Variants in LAMA3 observed in about 807,000 individuals in gnomAD.
The protein encoded by LAMA3 is laminin subunit alpha-3.
In LAMA3, 281 loss-of-function variants were observed where a neutral mutation model predicts 402.0. The observed-to-expected ratio is 0.70, with a 90% CI of 0.63 to 0.77. The LOEUF (loss-of-function observed/expected upper bound fraction) is 0.77, where lower values mean the gene tolerates loss of function less well. LAMA3 is among the 30% of genes least tolerant of loss of function. The pLI, the probability that LAMA3 is intolerant of heterozygous loss-of-function variation, is 0.00. For synonymous variants in LAMA3, 1,431 were observed against 1,558.4 expected, an observed-to-expected ratio of 0.92 and a Z score of 1.93; for missense variants, 3,840 against 4,215.5, an observed-to-expected ratio of 0.91 and a Z score of 2.47.
intron 2 of LAMA3, among the ~76,000 whole-genome samples, chr18:23,737,637 G>A (rs1210121168): frequency 1.3e-5 from 2 of 152,220 alleles, no homozygotes; most frequent in Non-Finnish European, 2.9e-5. Context: ...CGCCAAGTAA[G>A]TGGAATCCTT....
In LAMA3 at chr18:23,814,476, A is replaced by T. The variant is rs1403753840; in HGVS notation, c.1862A>T (p.Asp621Val). ...TGCAAACTGTTATATTGGAATCTGG[A>T]CAAAGAAAACCCCAGTGGATGTTCA... The part of the protein sequence containing the change: ...SRCKLLYWNL[D>V]KENPSGCSEC... Residue 621 changes from aspartate to valine, a missense_variant, in exon 15 of 75, where the codon GAC becomes GTC. Physicochemically the swap from Asp to Val is radical, Grantham distance 152. Around this residue, in one of 3 missense-constraint regions of LAMA3, gnomAD observed 2,109 missense variants for 2,376.0 expected, o/e 0.89. Coordinates refer to ENST00000313654, the MANE Select transcript of LAMA3 (RefSeq NM_198129.4). The T allele has an allele frequency of 1.2e-6, 2 of 1,613,326 alleles. No individual in the cohort carries two copies. Among genetic ancestry groups the T allele is most frequent in the Admixed American group, 3.3e-5 (2 of 60,030 alleles).
rs767242983 is a variant in LAMA3, at chr18:23,954,667, C to A, written c.*19C>A. 6.1e-5 allele frequency: 99 copies of A among 1,613,504 alleles called. No individual in the cohort carries two copies. Among genetic ancestry groups the A allele is most frequent in the Non-Finnish European group, 5.9e-6 (7 of 1,179,602 alleles). On this transcript the variant is annotated 3_prime_UTR_variant, in exon 75 of 75. Transcript: ENST00000313654. ...CCAGTAACCCAAGCCTATTTCACAG[C>A]AAGGAAATTCACCTTCAAAAGCACT...
rs779474408 is a variant in LAMA3, at chr18:23,954,566, A to G, written c.9920A>G (p.His3307Arg). ...TTCTTTGGCTGTCTGAGGAATATTC[A>G]TGTCAATCACATCCCTGTCCCTGTC... Reference protein sequence around the residue: ...KSFFGCLRNIHVNHIPVPVTE... With the variant: ...KSFFGCLRNIRVNHIPVPVTE... Residue 3307 changes from histidine to arginine, a missense_variant, in exon 75 of 75, where the codon CAT becomes CGT. Coordinates refer to ENST00000313654, the MANE Select transcript of LAMA3 (RefSeq NM_198129.4). 5 of 1,613,836 alleles carry G rather than the reference A, an allele frequency of 3.1e-6. No individual in the cohort carries two copies. The highest frequency in any genetic ancestry group is 4.2e-6 in the Non-Finnish European group (5 of 1,179,768).
chr18:23,841,437 A>T (rs2063699564), intron 27 of LAMA3, among the ~76,000 whole-genome samples: 1 of 152,036 alleles, frequency 6.6e-6, no homozygotes, highest in Non-Finnish European at 1.5e-5. Flanking sequence ...GTGGGAGTGG[A>T]GGGAGGGCCA....
intron 23 of LAMA3, among the ~76,000 whole-genome samples, chr18:23,829,429 G>T (rs186208381): frequency 5.6e-4 from 85 of 152,224 alleles, no homozygotes; most frequent in African/African-American, 1.8e-3. Flanking sequence ...ATCTGTTTCA[G>T]CCTGCTAATT....
intron 70 of LAMA3, among the ~76,000 whole-genome samples, chr18:23,948,660 C>T (rs905267348): frequency 1.3e-5 from 2 of 151,870 alleles, no homozygotes; most frequent in Admixed American, 6.5e-5. Context: ...ACCTCCGCCT[C>T]CTGAGTTCAA....
chr18:23,903,212 T>A, intron 49 of LAMA3, 87 bp downstream of exon 49: 1 of 848,178 alleles, frequency 1.2e-6, no homozygotes, highest in Non-Finnish European at 2.0e-6. Flanking sequence ...ACCTACTTTT[T>A]TGTTTATTCA....
At chr18:23,777,958 T>C (rs1381963465) in intron 11 of LAMA3, among the ~76,000 whole-genome samples, 3 of 152,250 alleles carry the variant, frequency 2.0e-5, no homozygotes, top group Admixed American at 6.5e-5. Context: ...AGTCATTTAT[T>C]TGGGAGGTGA....
intron 68 of LAMA3, among the ~76,000 whole-genome samples, chr18:23,942,336 C>T (rs544599973): frequency 6.7e-4 from 102 of 152,324 alleles, no homozygotes; most frequent in Non-Finnish European, 9.1e-4. Context: ...GACCCTTTCA[C>T]GCACACCTTT....
chr18:23,764,869 G>T (rs2143765390), intron 8 of LAMA3, among the ~76,000 whole-genome samples: 1 of 152,244 alleles, frequency 6.6e-6, no homozygotes, highest in South Asian at 2.1e-4. Flanking sequence ...TTTAGTGGCT[G>T]CTGCAGGACT....
At position 23,813,055 on chromosome 18, in the gene LAMA3, AGG is replaced by A. The variant is rs776695702; in HGVS notation, c.1742-1_1742del. ...ATTTAAAAATTTCTGAATCATATTCAGGTTCCAGCAGTGCTTGTGACCCAGCT... is the reference window on the plus strand; with the variant it reads ...ATTTAAAAATTTCTGAATCATATTCATTCCAGCAGTGCTTGTGACCCAGCT... On this transcript the variant is annotated splice_acceptor_variant and coding_sequence_variant, in exon 14 of 75. Transcript: ENST00000313654. LOFTEE classifies it high-confidence loss of function. 2 of 1,601,194 alleles carry A rather than the reference AGG, an allele frequency of 1.2e-6. No individual in the cohort carries two copies. Among genetic ancestry groups the A allele is most frequent in the Non-Finnish European group, 1.7e-6 (2 of 1,168,382 alleles).
At chr18:23,767,320 C>T (rs2143793961) in intron 8 of LAMA3, among the ~76,000 whole-genome samples, 1 of 152,286 alleles carries the variant, frequency 6.6e-6, no homozygotes, top group East Asian at 1.9e-4. Flanking sequence ...AGATTCAACG[C>T]TATTTCTATC....
intron 19 of LAMA3, among the ~76,000 whole-genome samples, chr18:23,821,101 G>T (rs911419919): frequency 6.6e-6 from 1 of 152,056 alleles, no homozygotes; most frequent in African/African-American, 2.4e-5. Flanking sequence ...CCAATCAAAG[G>T]GTATACCTTC....
intron 12 of LAMA3, among the ~76,000 whole-genome samples, chr18:23,794,384 A>C (rs2062722408): frequency 1.3e-5 from 2 of 152,220 alleles, no homozygotes; most frequent in Admixed American, 1.3e-4. Context: ...CTGTGGGCGA[A>C]AACCGCTATA....
intron 38 of LAMA3, among the ~76,000 whole-genome samples, 186 bp downstream of exon 38, chr18:23,871,847 A>C (rs561877219): frequency 2.6e-5 from 4 of 152,364 alleles, no homozygotes; most frequent in Non-Finnish European, 4.4e-5. Flanking sequence ...AGACATCATC[A>C]GTGTCTCAGA....
chr18:23,763,699 A>G (rs2062021328), intron 8 of LAMA3, among the ~76,000 whole-genome samples, 176 bp downstream of exon 8: 1 of 152,216 alleles, frequency 6.6e-6, no homozygotes, highest in African/African-American at 2.4e-5. Context: ...TAGGGATTGT[A>G]AGGAAAATGG....
Position 23,861,813 on chromosome 18 carries a change from G to T in LAMA3, c.4584+6G>T. The T allele has an allele frequency of 1.2e-6, 2 of 1,610,928 alleles. No individual in the cohort carries two copies. Among genetic ancestry groups the T allele is most frequent in the Non-Finnish European group, 8.5e-7 (1 of 1,178,344 alleles). On this transcript the variant is annotated splice_donor_region_variant and intron_variant, in intron 35 of 74. Transcript: ENST00000313654. ...CCTCCTACCTGGGGGACAAGGTAAT[G>T]ATGTCCTGCTGTTCTTCTGGGCCCT...
intron 1 of LAMA3, among the ~76,000 whole-genome samples, chr18:23,699,764 G>A (rs1456601638): frequency 6.6e-6 from 1 of 152,188 alleles, no homozygotes; most frequent in African/African-American, 2.4e-5. Context: ...GTTCGAACTA[G>A]AGAGACTCCA....
intron 38 of LAMA3, among the ~76,000 whole-genome samples, chr18:23,874,430 A>T (rs1170801486): frequency 6.6e-6 from 1 of 152,266 alleles, no homozygotes; most frequent in Non-Finnish European, 1.5e-5. Flanking sequence ...CTGTTCATAT[A>T]ACAACATAAT....
Sources: gnomAD v4.1 joint callset for allele counts (sites outside exome capture counted in the v4.1 genomes callset) on GRCh38, gnomAD v4.1.1 for gene constraint, gnomAD v4.1.1 regional missense constraint, MANE v1.5 for transcripts, NCBI Gene and HGNC (gene_info 2026-07-23, HGNC 2026-07-21) for gene names.